ITPKB: variants seen among roughly 807,000 people sequenced by gnomAD.
ITPKB encodes inositol-trisphosphate 3-kinase B.
Under a neutral mutation model 69.4 loss-of-function variants are expected in ITPKB, and 13 were observed. The observed-to-expected ratio is 0.19, with a 90% CI of 0.12 to 0.30. The LOEUF is 0.30. Ranked by LOEUF, ITPKB falls within the 10% of genes least tolerant of loss-of-function variation. The pLI is 1.00. For missense variants in ITPKB, 1,240 were observed against 1,250.5 expected, an observed-to-expected ratio of 0.99 and a Z score of 0.13; for synonymous variants, 584 against 513.7, an observed-to-expected ratio of 1.14 and a Z score of -1.85.
At chr1:226,733,511 C>T (rs1657655546) in intron 2 of ITPKB, among the ~76,000 whole-genome samples, 1 of 152,070 alleles carries the variant, frequency 6.6e-6, no homozygotes. Flanking sequence ...AGCACTCAAC[C>T]AAAGCTCAAA....
chr1:226,724,940 G>A (rs1264691451), intron 2 of ITPKB, among the ~76,000 whole-genome samples: 1 of 152,182 alleles, frequency 6.6e-6, no homozygotes, highest in Non-Finnish European at 1.5e-5. Flanking sequence ...TCTGGATCCA[G>A]AACAGTCTCT....
chr1:226,713,550 C>T (rs1044707625), intron 2 of ITPKB, among the ~76,000 whole-genome samples: 4 of 152,204 alleles, frequency 2.6e-5, no homozygotes, highest in African/African-American at 7.2e-5. Flanking sequence ...GGGCCAGAGT[C>T]GTGGTCTGGA....
rs762348624 is a variant in ITPKB at position 226,736,502 on chromosome 1, C to T, written c.957G>A (p.Gln319=). The change falls in exon 2 of 8, where the codon CAG becomes CAA. Residue 319 remains glutamine, a synonymous_variant. Transcript: ENST00000429204. ...CAGACGGCTCAGTGAGGGCAAGATC[C>T]TGTGGACGGTGTGGCCCAGTGGATG... ...RVTSTGPHRP[Q]DLALTEPSGR... 6 of 1,613,932 alleles carry T rather than the reference C, an allele frequency of 3.7e-6. No individual in the cohort carries two copies. In the South Asian group the frequency reaches 6.6e-5, roughly 18 times the overall value.
At chr1:226,684,934 A>G (rs1369216371) in intron 2 of ITPKB, among the ~76,000 whole-genome samples, 1 of 152,202 alleles carries the variant, frequency 6.6e-6, no homozygotes, top group East Asian at 1.9e-4. Context: ...CTGGGTCAAC[A>G]TTCCCAGGGT....
intron 2 of ITPKB, chr1:226,656,588 T>C (rs141054729): frequency 6.6e-6 from 1 of 152,252 alleles, no homozygotes; most frequent in African/African-American, 2.4e-5. Context: ...GCCAGGCCCA[T>C]AGTGGTTTCA....
chr1:226,697,032 A>G (rs1464671564), intron 2 of ITPKB, among the ~76,000 whole-genome samples: 1 of 152,230 alleles, frequency 6.6e-6, no homozygotes, highest in Non-Finnish European at 1.5e-5. Context: ...GGAACAAATC[A>G]TATCAACAAC....
At chr1:226,649,939 A>G (rs996035331) in intron 2 of ITPKB, among the ~76,000 whole-genome samples, 2 of 152,248 alleles carry the variant, frequency 1.3e-5, no homozygotes, top group African/African-American at 4.8e-5. Context: ...AGTGTCCCCA[A>G]AATACACCCG....
chr1:226,736,450 G>T lies in ITPKB; in HGVS notation c.1009C>A (p.Gln337Lys), dbSNP rs1351707760. Residue 337 changes from glutamine (Q) to lysine (K), a missense_variant, in exon 2 of 8, where the codon CAG (glutamine) becomes AAG (lysine). By Grantham distance (53) the Gln-to-Lys change is moderately conservative (BLOSUM62 1). Around this residue, in one of 2 missense-constraint regions of ITPKB, gnomAD observed 992 missense variants for 853.8 expected, o/e 1.16. Coordinates refer to ENST00000429204, the MANE Select transcript of ITPKB (RefSeq NM_002221.4). ...CTCTCCACCAGGGCCTCTGGGGGCT[G>T]CAGGTCCTCAAGCTCACGGGCTCTC... ...SGRARELEDLQPPEALVERQG... is the reference protein window; with the variant it reads ...SGRARELEDLKPPEALVERQG... 6.2e-7 allele frequency: 1 copy of T among 1,613,538 alleles called. No individual in the cohort carries two copies. The highest frequency in any genetic ancestry group is 2.2e-5 in the East Asian group (1 of 44,882).
intron 2 of ITPKB, among the ~76,000 whole-genome samples, chr1:226,660,507 A>T (rs1201910871): frequency 6.6e-6 from 1 of 152,190 alleles, no homozygotes; most frequent in African/African-American, 2.4e-5. Context: ...CTCTGGTGAG[A>T]AGGTCATTAA....
In ITPKB at chr1:226,737,376, G is replaced by A. The variant is rs1231226747; in HGVS notation, c.83C>T (p.Pro28Leu). 5 of 1,609,006 alleles carry A rather than the reference G, an allele frequency of 3.1e-6. No individual in the cohort carries two copies. Among genetic ancestry groups the A allele is most frequent in the Non-Finnish European group, 4.2e-6 (5 of 1,179,228 alleles). Reference sequence around the variant, plus strand: ...GGGCGGGGGCGTCTCGCTGCCACTGGGCCCCGGGCCGCCGCCGCTCTTCAT... The same window carrying A: ...GGGCGGGGGCGTCTCGCTGCCACTGAGCCCCGGGCCGCCGCCGCTCTTCAT... ...NEMKSGGGPG[P>L]SGSETPPPPR... The change falls in exon 2 of 8, where the codon CCC (proline) becomes CTC (leucine). Residue 28 changes from proline to leucine, a missense_variant. Physicochemically the swap from Pro to Leu is moderately conservative, Grantham distance 98. Coordinates refer to ENST00000429204, the MANE Select transcript of ITPKB (RefSeq NM_002221.4).
chr1:226,649,313 ATATGTGTGCATGAGTGTGTGCG>A (rs1669123936), intron 2 of ITPKB, among the ~76,000 whole-genome samples: 2 of 144,662 alleles, frequency 1.4e-5, no homozygotes, highest in Non-Finnish European at 3.0e-5. Flanking sequence ...GTGTGTGTGC[ATATGTGTGCATGAGTGTGTGCG>A]TATGTGTGCA....
chr1:226,720,227 C>G (rs901867177), intron 2 of ITPKB, among the ~76,000 whole-genome samples: 1 of 152,202 alleles, frequency 6.6e-6, no homozygotes, highest in Non-Finnish European at 1.5e-5. Flanking sequence ...CTCTCTTTCC[C>G]CCGGGGTCCA....
intron 5 of ITPKB, among the ~76,000 whole-genome samples, chr1:226,640,447 G>A (rs1318042908): frequency 1.3e-5 from 2 of 152,316 alleles, no homozygotes; most frequent in Non-Finnish European, 2.9e-5. Flanking sequence ...GGCTGAGGGA[G>A]CAGCCCTGGG....
intron 2 of ITPKB, among the ~76,000 whole-genome samples, chr1:226,663,492 A>C (rs1358004920): frequency 6.6e-6 from 1 of 151,410 alleles, no homozygotes; most frequent in Non-Finnish European, 1.5e-5. Flanking sequence ...GGCTACAATG[A>C]TTCAACATTT....
In ITPKB at chr1:226,737,205, C is replaced by G; in HGVS notation, c.254G>C (p.Ser85Thr). 1.3e-6 allele frequency: 2 copies of G among 1,583,980 alleles called. No homozygotes were observed. Among genetic ancestry groups the G allele is most frequent in the Non-Finnish European group, 1.7e-6 (2 of 1,172,912 alleles). ...GCTGCTGCCGCTGCCACTGCCGCTG[C>G]TACTATTCAGCCTGCGCCGGCCGCT... is the stretch of plus-strand genomic sequence containing the variant. ...WRSGRRRLNS[S>T]SGSGSGSSGS... is the part of the protein sequence containing the mutation. Residue 85 changes from serine (S) to threonine (T), a missense_variant, in exon 2 of 8, where the codon AGC becomes ACC. Around this residue, in one of 2 missense-constraint regions of ITPKB, gnomAD observed 992 missense variants for 853.8 expected, o/e 1.16. Coordinates refer to ENST00000429204, the MANE Select transcript of ITPKB (RefSeq NM_002221.4).
chr1:226,686,616 A>C (rs1656222165), intron 2 of ITPKB, among the ~76,000 whole-genome samples: 1 of 152,190 alleles, frequency 6.6e-6, no homozygotes, highest in Admixed American at 6.5e-5. Context: ...GCACAGACAT[A>C]ACACAACGTA....
intron 4 of ITPKB, among the ~76,000 whole-genome samples, chr1:226,644,807 AG>A (rs1344569469): frequency 5.3e-5 from 8 of 152,228 alleles, no homozygotes; most frequent in African/African-American, 9.6e-5. Context: ...TGTCATGGAA[AG>A]GCCACATTCT....
rs1396332970 is a variant in ITPKB, at chr1:226,637,549, G to C, written c.2625+130C>G. The stretch of plus-strand genomic sequence containing the variant: ...AGCTCCCCCGTGCAGCGAGGGTCTG[G>C]TCCCTGATGGCCTGCCTCTGGCTGC... On this transcript the variant is annotated intron_variant, in intron 7 of 7. Transcript: ENST00000429204. The surrounding 1 kb of genome is among the most constrained non-coding windows in gnomAD (Gnocchi z 4.3). 1.4e-6 allele frequency: 1 copy of C among 717,142 alleles called. No individual in the cohort carries two copies. The highest frequency in any genetic ancestry group is 2.5e-6 in the Non-Finnish European group (1 of 404,552). The allele number at this position is 717,142 out of a possible 1,614,324, so 44.4% of individuals were successfully genotyped here.
intron 2 of ITPKB, among the ~76,000 whole-genome samples, chr1:226,706,894 C>T (rs960425712): frequency 2.0e-5 from 3 of 152,212 alleles, no homozygotes; most frequent in Admixed American, 1.3e-4. Flanking sequence ...ATATGGCCAG[C>T]AGCCAGCTGG....
Sources: gnomAD v4.1 joint callset for allele counts (sites outside exome capture counted in the v4.1 genomes callset) on GRCh38, gnomAD v4.1.1 for gene constraint, gnomAD v4.1.1 regional missense constraint, Gnocchi (gnomAD v3.1) non-coding constraint, MANE v1.5 for transcripts, NCBI Gene and HGNC (gene_info 2026-07-23, HGNC 2026-07-21) for gene names.